Variants in TXNRD1 observed in about 807,000 individuals in gnomAD.
The protein encoded by TXNRD1 is thioredoxin reductase 1.
TXNRD1 carries 57 observed loss-of-function variants against 80.3 expected under a neutral mutation model. The observed-to-expected ratio is 0.71, with a 90% CI of 0.57 to 0.89. TXNRD1 has a LOEUF of 0.89. Ranked by LOEUF, TXNRD1 falls within the 40% of genes least tolerant of loss-of-function variation. The probability of loss-of-function intolerance (pLI) is 0.00; values close to 1 mark genes in which losing one functional copy is unlikely to be tolerated. For missense variants in TXNRD1, 730 were observed against 803.0 expected, an observed-to-expected ratio of 0.91 and a Z score of 1.10; for synonymous variants, 291 against 285.2, an observed-to-expected ratio of 1.02 and a Z score of -0.20.
intron 3 of TXNRD1, chr12:104,276,564 A>C (rs2033762180): frequency 6.6e-6 from 1 of 152,202 alleles, no homozygotes; most frequent in African/African-American, 2.4e-5. Context: ...TTACCAGAAC[A>C]CCTTACACTC....
chr12:104,278,916 TTAAC>T (rs1255834845), intron 3 of TXNRD1, among the ~76,000 whole-genome samples: 8 of 152,218 alleles, frequency 5.3e-5, no homozygotes, highest in African/African-American at 1.4e-4. Context: ...AATATACAAA[TTAAC>T]TAAGTAATAT....
At chr12:104,310,087 G>A (rs1336425782) in intron 4 of TXNRD1, 42 of 1,524,680 alleles carry the variant, frequency 2.8e-5, no homozygotes, top group Non-Finnish European at 3.6e-5. Flanking sequence ...AGAGAAATGT[G>A]CAGTTTGGGC....
intron 7 of TXNRD1, among the ~76,000 whole-genome samples, chr12:104,318,088 G>A (rs1352137530): frequency 6.6e-6 from 1 of 152,226 alleles, no homozygotes; most frequent in Admixed American, 6.5e-5. Flanking sequence ...TACGGAGGTT[G>A]CAGTGAGCCC....
intron 4 of TXNRD1, among the ~76,000 whole-genome samples, chr12:104,303,006 A>AC (rs551420589): frequency 6.6e-6 from 1 of 151,996 alleles, no homozygotes; most frequent in Non-Finnish European, 1.5e-5. Context: ...CAGAGTTACT[A>AC]CCCATTCAGT....
chr12:104,224,623 AT>A (rs1477274969), intron 1 of TXNRD1, among the ~76,000 whole-genome samples: 1 of 152,084 alleles, frequency 6.6e-6, no homozygotes, highest in African/African-American at 2.4e-5. Context: ...TGACCTTGTG[AT>A]CTGCCTGCCT....
At chr12:104,287,561 C>T in intron 3 of TXNRD1, 1 of 1,501,612 alleles carries the variant, frequency 6.7e-7, no homozygotes, top group South Asian at 1.2e-5. Context: ...AATTTTCACA[C>T]CATTTAATCC....
chr12:104,280,457 T>C (rs2033854769), intron 3 of TXNRD1: 2 of 152,302 alleles, frequency 1.3e-5, no homozygotes, highest in Admixed American at 1.3e-4. Context: ...GTGCCAGGGC[T>C]CTGTCCTGGG....
At chr12:104,261,552 G>A (rs562329157) in intron 3 of TXNRD1, among the ~76,000 whole-genome samples, 1 of 152,196 alleles carries the variant, frequency 6.6e-6, no homozygotes, top group South Asian at 2.1e-4. Context: ...CCAGTGGGGA[G>A]GTGCGGTGAC....
intron 6 of TXNRD1, among the ~76,000 whole-genome samples, chr12:104,314,436 T>C (rs986235495): frequency 4.6e-5 from 7 of 152,208 alleles, no homozygotes; most frequent in African/African-American, 1.7e-4. Flanking sequence ...GACACTGCTC[T>C]TGGTACTAGG....
At chr12:104,230,086 T>C (rs2032581402) in intron 1 of TXNRD1, among the ~76,000 whole-genome samples, 1 of 151,992 alleles carries the variant, frequency 6.6e-6, no homozygotes. Flanking sequence ...TTCATTTTTT[T>C]TGAGACAGAT....
intron 3 of TXNRD1, among the ~76,000 whole-genome samples, chr12:104,274,221 G>C (rs1247305986): frequency 6.6e-6 from 1 of 152,096 alleles, no homozygotes; most frequent in Non-Finnish European, 1.5e-5. Context: ...CCAGGGCCTA[G>C]AGCATTAGAA....
intron 3 of TXNRD1, among the ~76,000 whole-genome samples, chr12:104,286,516 C>T (rs966721761): frequency 4.6e-5 from 7 of 152,054 alleles, no homozygotes; most frequent in Non-Finnish European, 8.8e-5. Context: ...TAGGGAACTG[C>T]CAAACTGACT....
chr12:104,299,325 G>A (rs935204007), intron 4 of TXNRD1, among the ~76,000 whole-genome samples: 4 of 151,516 alleles, frequency 2.6e-5, no homozygotes, highest in Admixed American at 2.0e-4. Flanking sequence ...AACCCAGATC[G>A]TCCCCTCCCA....
rs79840637 is a variant in TXNRD1 at position 104,223,148 on chromosome 12, T to C, written c.91+7255T>C. Reference sequence around the variant, plus strand: ...GCCTTGAGATTATTGCTCACTTATATAGTGGCATTTTAAGCTGCTTAATCC... The same window carrying C: ...GCCTTGAGATTATTGCTCACTTATACAGTGGCATTTTAAGCTGCTTAATCC... On this transcript the variant is annotated intron_variant, in intron 1 of 16. Coordinates refer to ENST00000525566, the MANE Select transcript of TXNRD1 (RefSeq NM_001093771.3). 3.9e-3 allele frequency among the ~76,000 whole-genome samples: 594 copies of C among 152,326 alleles called. 2 individuals carry two copies. The highest frequency in any genetic ancestry group is 0.014 in the African/African-American group (577 of 41,574).
intron 6 of TXNRD1, among the ~76,000 whole-genome samples, chr12:104,314,336 A>G (rs569958048): frequency 6.6e-6 from 1 of 152,350 alleles, no homozygotes; most frequent in African/African-American, 2.4e-5. Context: ...TTGCATTAGA[A>G]GGAACCAAGA....
chr12:104,310,971 C>A (rs982210297), intron 4 of TXNRD1, among the ~76,000 whole-genome samples: 17 of 152,196 alleles, frequency 1.1e-4, no homozygotes, highest in African/African-American at 2.4e-4. Context: ...TCTTTAAAAC[C>A]TAGTTTAAAA....
At chr12:104,309,083 A>G (rs2035035975) in intron 4 of TXNRD1, among the ~76,000 whole-genome samples, 1 of 151,836 alleles carries the variant, frequency 6.6e-6, no homozygotes, top group African/African-American at 2.4e-5. Flanking sequence ...GTATTTTGGT[A>G]GAGACGGGGT....
intron 2 of TXNRD1, among the ~76,000 whole-genome samples, chr12:104,256,634 C>T (rs1410701617): frequency 6.6e-6 from 1 of 152,010 alleles, no homozygotes; most frequent in Non-Finnish European, 1.5e-5. Flanking sequence ...CAAAAATTGG[C>T]TGGGTGTGGT....
intron 2 of TXNRD1, among the ~76,000 whole-genome samples, chr12:104,253,202 T>C (rs1251526601): frequency 2.0e-5 from 3 of 152,104 alleles, no homozygotes; most frequent in Admixed American, 1.3e-4. Flanking sequence ...CACGTGCACT[T>C]TTTTCCCAAG....
Sources: allele counts gnomAD v4.1 joint callset (sites outside exome capture counted in the v4.1 genomes callset), GRCh38; gene constraint gnomAD v4.1.1; transcripts MANE v1.5; gene names NCBI Gene and HGNC (gene_info 2026-07-23, HGNC 2026-07-21).